USP32: variants seen among roughly 807,000 people sequenced by gnomAD.
The protein encoded by USP32 is ubiquitin carboxyl-terminal hydrolase 32.
USP32 carries 59 observed loss-of-function variants against 204.8 expected under a neutral mutation model. The observed-to-expected ratio is 0.29, with a 90% CI of 0.23 to 0.36. USP32 has a LOEUF of 0.36. Ranked by LOEUF, USP32 falls within the 10% of genes least tolerant of loss-of-function variation. The probability of loss-of-function intolerance (pLI) is 1.00; values close to 1 mark genes in which losing one functional copy is unlikely to be tolerated. For missense variants in USP32, 1,160 were observed against 1,946.4 expected (o/e 0.60, Z 7.60); for synonymous variants, 517 against 678.4 (o/e 0.76, Z 3.70).
At position 60,219,712 on chromosome 17, in the gene USP32, G is replaced by C. The variant is rs758201889; in HGVS notation, c.1825C>G (p.Pro609Ala). 8 of 1,613,432 alleles carry C rather than the reference G, an allele frequency of 5.0e-6. No homozygotes were observed. Among genetic ancestry groups the C allele is most frequent in the Non-Finnish European group, 6.8e-6 (8 of 1,179,826 alleles). Residue 609 changes from proline (P) to alanine (A), a missense_variant, in exon 16 of 34, where the codon CCT becomes GCT. Transcript: ENST00000300896. ...PRYLLFLRQQ[P>A]ATRTQQSNIW... ...TTAGACTGCTGTGTCCGAGTGGCAGGCTGCTGTCTCAGGAAGAGAAGATAG... is the reference window on the plus strand; with the variant it reads ...TTAGACTGCTGTGTCCGAGTGGCAGCCTGCTGTCTCAGGAAGAGAAGATAG...
intron 16 of USP32, among the ~76,000 whole-genome samples, chr17:60,219,103 T>C (rs143679318): frequency 0.025 from 3,787 of 152,326 alleles, 70 homozygotes; most frequent in Non-Finnish European, 0.037. Context: ...TCTTCAAAAA[T>C]ATGCCTTTTG....
intron 1 of USP32, among the ~76,000 whole-genome samples, chr17:60,346,115 A>AT (rs572626378): frequency 0.045 from 6,604 of 148,166 alleles, 511 homozygotes; most frequent in African/African-American, 0.15. Context: ...AATAAGTATA[A>AT]TTTTTTTTTT....
At chr17:60,220,043 A>G (rs1220274378) in intron 15 of USP32, among the ~76,000 whole-genome samples, 1 of 151,056 alleles carries the variant, frequency 6.6e-6, no homozygotes, top group Non-Finnish European at 1.5e-5. Context: ...AAGTAACAAC[A>G]CTGAGGAAAA....
At chr17:60,235,070 C>G (rs1385910839) in intron 12 of USP32, among the ~76,000 whole-genome samples, 1 of 152,128 alleles carries the variant, frequency 6.6e-6, no homozygotes, top group African/African-American at 2.4e-5. Context: ...GCAGTTCAGT[C>G]TGTTTATAAG....
chr17:60,266,553 A>T (rs908183752), intron 7 of USP32, among the ~76,000 whole-genome samples: 4 of 152,002 alleles, frequency 2.6e-5, no homozygotes, highest in Admixed American at 6.5e-5. Context: ...CAGTGGCATG[A>T]TCTCAGTTCA....
At chr17:60,355,884 C>A (rs2089062306) in intron 1 of USP32, among the ~76,000 whole-genome samples, 2 of 91,158 alleles carry the variant, frequency 2.2e-5, no homozygotes, top group South Asian at 3.5e-4. Flanking sequence ...GGCTGAACCT[C>A]TGTAAAAAAA....
chr17:60,364,241 A>G (rs538896715), intron 1 of USP32, among the ~76,000 whole-genome samples: 44 of 152,184 alleles, frequency 2.9e-4, no homozygotes, highest in Non-Finnish European at 6.0e-4. Context: ...GCCCTCATGA[A>G]GTAATCATTC....
intron 1 of USP32, among the ~76,000 whole-genome samples, chr17:60,362,767 T>C (rs546673372): frequency 6.6e-6 from 1 of 152,128 alleles, no homozygotes; most frequent in Non-Finnish European, 1.5e-5. Flanking sequence ...TCTGAAGCTA[T>C]CAAAAATGTG....
chr17:60,381,882 G>A (rs6503963), intron 1 of USP32, among the ~76,000 whole-genome samples: 6,969 of 152,230 alleles, frequency 0.046, 563 homozygotes, highest in African/African-American at 0.16. Context: ...TCTCCCAGTC[G>A]ATACCGACCC....
intron 27 of USP32, among the ~76,000 whole-genome samples, chr17:60,196,773 C>T (rs550670572): frequency 1.3e-4 from 19 of 151,464 alleles, no homozygotes; most frequent in Admixed American, 7.9e-4. Context: ...TGCGTTGAGC[C>T]GAGATTGCAC....
chr17:60,395,067 G>A (rs984043299), upstream of USP32, among the ~76,000 whole-genome samples: 2 of 152,036 alleles, frequency 1.3e-5, no homozygotes, highest in African/African-American at 4.8e-5. Context: ...TTTAACAATG[G>A]TATTTGTGTA....
At chr17:60,394,537 TACTC>T (rs1289594062), upstream of USP32, among the ~76,000 whole-genome samples, 1 of 152,164 alleles carries the variant, frequency 6.6e-6, no homozygotes, top group Non-Finnish European at 1.5e-5. Context: ...ATTTACAAAA[TACTC>T]AGGAATTAAT....
At chr17:60,242,109 G>A (rs752567769) in intron 11 of USP32, among the ~76,000 whole-genome samples, 54 of 152,192 alleles carry the variant, frequency 3.5e-4, no homozygotes, top group African/African-American at 9.2e-4. Flanking sequence ...CTCCTGCACC[G>A]TTTTTTGTTT....
intron 9 of USP32, among the ~76,000 whole-genome samples, chr17:60,256,328 T>TA (rs1284110276): frequency 6.6e-6 from 1 of 152,174 alleles, no homozygotes; most frequent in African/African-American, 2.4e-5. Flanking sequence ...GGCAAATCAC[T>TA]AGATTATGAC....
chr17:60,417,386 T>C (rs2090070144), intron 1 of USP32, among the ~76,000 whole-genome samples: 3 of 152,102 alleles, frequency 2.0e-5, no homozygotes, highest in Non-Finnish European at 4.4e-5. Context: ...GCTCAAAAGA[T>C]CCTCTTGCCT....
At chr17:60,359,871 T>TC (rs2089164536) in intron 1 of USP32, among the ~76,000 whole-genome samples, 1 of 146,578 alleles carries the variant, frequency 6.8e-6, no homozygotes, top group Non-Finnish European at 1.5e-5. Context: ...AGACAAAGAT[T>TC]TTTTTTTTTT....
chr17:60,227,037 C>CAAAAAAAAA (rs58720440), intron 12 of USP32, among the ~76,000 whole-genome samples: 1 of 61,306 alleles, frequency 1.6e-5, no homozygotes, highest in Non-Finnish European at 3.4e-5. Context: ...GACTCTGTCT[C>CAAAAAAAAA]AAAAAAAAAA....
In USP32 at chr17:60,219,831, A is replaced by G. The variant is rs201219280; in HGVS notation, c.1750-44T>C. The G allele has an allele frequency of 8.7e-4, 1,344 of 1,545,562 alleles. 1 individual carries two copies. Among genetic ancestry groups the G allele is most frequent in the Non-Finnish European group, 1.1e-3 (1,275 of 1,146,896 alleles). ...AAAAGAGATCACTAAAAAAAGAAAC[A>G]AAACTTGCCATTTTAATCTAACTTC... On this transcript the variant is annotated intron_variant, in intron 15 of 33. Coordinates refer to ENST00000300896, the MANE Select transcript of USP32 (RefSeq NM_032582.4).
intron 5 of USP32, among the ~76,000 whole-genome samples, chr17:60,275,194 C>T (rs1164896244): frequency 6.6e-6 from 1 of 152,140 alleles, no homozygotes; most frequent in African/African-American, 2.4e-5. Context: ...CGGTGGCTCA[C>T]GCCTGTAATC....
Sources: gnomAD v4.1 joint callset for allele counts (sites outside exome capture counted in the v4.1 genomes callset) on GRCh38, gnomAD v4.1.1 for gene constraint, MANE v1.5 for transcripts, NCBI Gene and HGNC (gene_info 2026-07-23, HGNC 2026-07-21) for gene names.